CDH18: variants seen among roughly 807,000 people sequenced by gnomAD.
CDH18 encodes cadherin-18.
A neutral mutation model predicts 67.9 loss-of-function variants in CDH18; 31 were observed. The observed-to-expected ratio is 0.46, with a 90% CI of 0.34 to 0.62. CDH18 has a LOEUF of 0.62. Among genes scored for constraint, CDH18 ranks in the 20% least tolerant of loss-of-function variants. CDH18 has a pLI of 0.01. For synonymous variants in CDH18, 362 were observed against 347.2 expected (o/e 1.04, Z -0.48); for missense variants, 890 against 975.5 (o/e 0.91, Z 1.17).
intron 1 of CDH18, among the ~76,000 whole-genome samples, chr5:20,493,061 G>A (rs1004059364): frequency 4.6e-5 from 7 of 152,034 alleles, no homozygotes; most frequent in African/African-American, 1.7e-4. Context: ...TATGAAATAT[G>A]TTTTTGGCCC....
At chr5:20,024,690 T>C (rs147857268) in intron 2 of CDH18, among the ~76,000 whole-genome samples, 1 of 152,310 alleles carries the variant, frequency 6.6e-6, no homozygotes, top group East Asian at 1.9e-4. Context: ...AAAATTCTCA[T>C]TCACTTGCCT....
intron 12 of CDH18, among the ~76,000 whole-genome samples, chr5:19,476,499 A>C (rs1738495913): frequency 6.6e-6 from 1 of 152,068 alleles, no homozygotes; most frequent in Admixed American, 6.6e-5. Context: ...CTGCCTGTGT[A>C]TTTTAGCATA....
intron 1 of CDH18, among the ~76,000 whole-genome samples, chr5:20,384,266 G>A (rs181845331): frequency 2.0e-5 from 3 of 152,012 alleles, no homozygotes; most frequent in East Asian, 1.9e-4. Flanking sequence ...TTCTCACAGC[G>A]CCTGGAAACC....
At chr5:20,572,718 G>A (rs575917749) in intron 1 of CDH18, among the ~76,000 whole-genome samples, 2 of 152,186 alleles carry the variant, frequency 1.3e-5, no homozygotes, top group South Asian at 4.2e-4. Context: ...CCCCCTAATG[G>A]CTCAGATATC....
chr5:19,475,663 T>A (rs1202966513), intron 12 of CDH18, among the ~76,000 whole-genome samples: 2 of 152,068 alleles, frequency 1.3e-5, no homozygotes, highest in Non-Finnish European at 2.9e-5. Context: ...AATATTATTA[T>A]ATTATTCCTT....
intron 9 of CDH18, among the ~76,000 whole-genome samples, chr5:19,531,632 CACACACAA>C (rs980423274): frequency 1.4e-5 from 2 of 147,238 alleles, no homozygotes; most frequent in Non-Finnish European, 3.0e-5. Flanking sequence ...CACACACACA[CACACACAA>C]ACAAAATTGG....
intron 2 of CDH18, among the ~76,000 whole-genome samples, chr5:20,226,687 T>C (rs1159023749): frequency 6.6e-6 from 1 of 152,148 alleles, no homozygotes; most frequent in African/African-American, 2.4e-5. Context: ...TAACTATTTA[T>C]AGATCCTTCT....
intron 2 of CDH18, among the ~76,000 whole-genome samples, chr5:20,189,576 T>C (rs576667268): frequency 6.6e-6 from 1 of 152,270 alleles, no homozygotes; most frequent in African/African-American, 2.4e-5. Flanking sequence ...AGATACTTAT[T>C]ATCCCCATGT....
rs565118789 is a variant in CDH18, at chr5:20,425,800, T to C, written c.-580+149662A>G. Among the ~76,000 whole-genome samples the C allele has an allele frequency of 2.0e-4, 30 of 151,282 alleles. 1 individual carries two copies. The South Asian group carries it at 4.3e-3, about 22-fold the overall frequency. ...CTTGAAATTCAGCCATACATATTAA[T>C]ATTTTGAATTCTGTAATCTTATACT... is the stretch of plus-strand genomic sequence containing the variant. On this transcript the variant is annotated intron_variant, in intron 1 of 14. Coordinates refer to the CDH18 transcript ENST00000507958.
At chr5:20,197,245 C>G (rs1320217939) in intron 2 of CDH18, among the ~76,000 whole-genome samples, 1 of 152,156 alleles carries the variant, frequency 6.6e-6, no homozygotes, top group African/African-American at 2.4e-5. Flanking sequence ...CTCCTGAGCT[C>G]AGGCAATCTG....
intron 4 of CDH18, among the ~76,000 whole-genome samples, chr5:19,735,155 A>G (rs1768135768): frequency 6.6e-6 from 1 of 152,122 alleles, no homozygotes; most frequent in Admixed American, 6.5e-5. Context: ...TTAAGACAGA[A>G]AGTTAAACAT....
chr5:20,129,932 T>C (rs1013117388), intron 2 of CDH18, among the ~76,000 whole-genome samples: 1 of 151,906 alleles, frequency 6.6e-6, no homozygotes, highest in Admixed American at 6.6e-5. Flanking sequence ...ACAAATATGA[T>C]TGTTTTGGAT....
chr5:20,032,095 A>C (rs1447578456), intron 2 of CDH18, among the ~76,000 whole-genome samples: 3 of 152,042 alleles, frequency 2.0e-5, no homozygotes, highest in Non-Finnish European at 4.4e-5. Context: ...CTAGAAGGCT[A>C]TTTCTTCTTT....
At chr5:19,613,139 C>A (rs950493884) in intron 5 of CDH18, among the ~76,000 whole-genome samples, 2 of 151,754 alleles carry the variant, frequency 1.3e-5, no homozygotes, top group Admixed American at 1.3e-4. Flanking sequence ...AGTGAGACTC[C>A]AACTAAAAAA....
intron 1 of CDH18, among the ~76,000 whole-genome samples, chr5:20,269,876 T>G (rs1745309873): frequency 6.6e-6 from 1 of 151,782 alleles, no homozygotes; most frequent in Non-Finnish European, 1.5e-5. Flanking sequence ...TGTATACAAA[T>G]GGAAAGGAGA....
rs144213239 is a variant in CDH18 at position 19,535,659 on chromosome 5, A to T, written c.1390+8210T>A. On this transcript the variant is annotated intron_variant, in intron 9 of 12. Transcript: ENST00000382275. The stretch of plus-strand genomic sequence containing the variant: ...TGTTTGCATGAGAGTCGAGAAAAAA[A>T]TAACTAAAAAGACTCAATGAATAAA... Among the ~76,000 whole-genome samples the T allele has an allele frequency of 4.1e-3, 628 of 152,302 alleles. 4 individuals are homozygous for T. The highest frequency in any genetic ancestry group is 0.014 in the African/African-American group (597 of 41,570).
chr5:20,505,081 T>C (rs572551485), intron 1 of CDH18, among the ~76,000 whole-genome samples: 6 of 137,170 alleles, frequency 4.4e-5, no homozygotes, highest in African/African-American at 1.3e-4. Context: ...AAGGGAACTT[T>C]AAGCAAAGTT....
intron 12 of CDH18, among the ~76,000 whole-genome samples, chr5:19,480,431 C>T (rs1223689025): frequency 6.6e-6 from 1 of 151,430 alleles, no homozygotes; most frequent in Non-Finnish European, 1.5e-5. Context: ...GGCTGGAGTG[C>T]AGTGGCGCCA....
At chr5:20,409,603 C>A (rs1746595384) in intron 1 of CDH18, among the ~76,000 whole-genome samples, 1 of 151,216 alleles carries the variant, frequency 6.6e-6, no homozygotes, top group Admixed American at 6.6e-5. Flanking sequence ...TACATCTCAA[C>A]AAACAAGAAA....
Sources: allele counts gnomAD v4.1 joint callset (sites outside exome capture counted in the v4.1 genomes callset), GRCh38; gene constraint gnomAD v4.1.1; transcripts MANE v1.5; gene names NCBI Gene and HGNC (gene_info 2026-07-23, HGNC 2026-07-21).